The following FER variants were observed in gnomAD, a reference collection of about 807,000 sequenced individuals.
The protein encoded by FER is tyrosine-protein kinase Fer.
In FER, 63 loss-of-function variants were observed where a neutral mutation model predicts 111.0. The ratio of observed to expected loss-of-function variants is 0.57; its 90% CI spans 0.46 to 0.70. The LOEUF (loss-of-function observed/expected upper bound fraction) is 0.70, where lower values mean the gene tolerates loss of function less well. FER is among the 30% of genes least tolerant of loss of function. The pLI, the probability that FER is intolerant of heterozygous loss-of-function variation, is 0.00. For missense variants in FER, 914 were observed against 954.0 expected, an observed-to-expected ratio of 0.96 and a Z score of 0.55; for synonymous variants, 327 against 313.9, an observed-to-expected ratio of 1.04 and a Z score of -0.44.
intron 16 of FER, among the ~76,000 whole-genome samples, chr5:109,066,557 A>T (rs1340146837): frequency 3.3e-5 from 5 of 152,218 alleles, no homozygotes. Flanking sequence ...TTATTTCAAA[A>T]ATAGTTGAAA....
At chr5:108,983,874 A>G (rs1233294172) in intron 13 of FER, among the ~76,000 whole-genome samples, 2 of 152,100 alleles carry the variant, frequency 1.3e-5, no homozygotes, top group Non-Finnish European at 2.9e-5. Flanking sequence ...AAGCTAACAC[A>G]CCGGTATACT....
intron 3 of FER, among the ~76,000 whole-genome samples, chr5:108,807,905 T>G (rs1275155712): frequency 2.0e-5 from 3 of 152,174 alleles, no homozygotes. Context: ...GTTGTTTAAT[T>G]TCATGTAATT....
intron 1 of FER, among the ~76,000 whole-genome samples, chr5:108,757,544 C>G (rs1243850254): frequency 6.6e-6 from 1 of 151,984 alleles, no homozygotes; most frequent in African/African-American, 2.4e-5. Context: ...ATCCTCCATG[C>G]CTTAGAGGTA....
intron 1 of FER, among the ~76,000 whole-genome samples, chr5:108,756,029 C>T (rs1183139230): frequency 6.6e-6 from 1 of 150,630 alleles, no homozygotes; most frequent in Non-Finnish European, 1.5e-5. Flanking sequence ...TGGCACGCAC[C>T]TGTAATCCCA....
rs546297248 is a variant in FER, at chr5:109,196,407, T to C, written c.*8832T>C. On this transcript the variant is annotated 3_prime_UTR_variant, in exon 20 of 20. Transcript: ENST00000281092. ...TAGGCTAAAGCACCTTTAATCATTTTTGTTGTTTTAAGATAATGTATTTGT... is the reference window on the plus strand; with the variant it reads ...TAGGCTAAAGCACCTTTAATCATTTCTGTTGTTTTAAGATAATGTATTTGT... 6.6e-6 allele frequency: 1 copy of C among 152,338 alleles called. No homozygotes were observed. The highest frequency in any genetic ancestry group is 2.4e-5 in the African/African-American group (1 of 41,584). The allele number at this position is 152,338 out of a possible 1,614,324, so 9.4% of individuals were successfully genotyped here.
intron 16 of FER, among the ~76,000 whole-genome samples, chr5:109,083,563 T>C (rs1777228836): frequency 6.6e-6 from 1 of 152,060 alleles, no homozygotes; most frequent in African/African-American, 2.4e-5. Flanking sequence ...TCTAATCTAA[T>C]TTTTTTGAAG....
intron 16 of FER, among the ~76,000 whole-genome samples, chr5:109,068,345 G>A (rs948627399): frequency 1.3e-5 from 2 of 151,868 alleles, no homozygotes; most frequent in East Asian, 1.9e-4. Flanking sequence ...CTCCACACCC[G>A]GCTAATTTTT....
At chr5:109,111,248 T>A (rs979020385) in intron 17 of FER, among the ~76,000 whole-genome samples, 1 of 152,150 alleles carries the variant, frequency 6.6e-6, no homozygotes, top group Non-Finnish European at 1.5e-5. Flanking sequence ...TAATTATTAT[T>A]TACCTAAGTG....
chr5:108,814,517 G>A (rs1300179178), intron 3 of FER, among the ~76,000 whole-genome samples: 2 of 152,156 alleles, frequency 1.3e-5, no homozygotes, highest in Non-Finnish European at 2.9e-5. Context: ...AAGGGTTTGT[G>A]ATAAAGGATT....
intron 17 of FER, among the ~76,000 whole-genome samples, chr5:109,173,761 C>A (rs561405188): frequency 2.0e-5 from 3 of 146,876 alleles, no homozygotes; most frequent in Admixed American, 6.8e-5. Context: ...GTACCTCCCC[C>A]CCCCCCACAA....
chr5:108,940,945 G>A (rs1481203095), intron 10 of FER, among the ~76,000 whole-genome samples: 2 of 152,088 alleles, frequency 1.3e-5, no homozygotes, highest in East Asian at 3.9e-4. Flanking sequence ...TCACATTCTA[G>A]GGCAATGGCC....
rs142699480 is a variant in FER, at chr5:109,090,712, G to A, written c.1925-9684G>A. Among the ~76,000 whole-genome samples, 270 of 152,168 alleles carry A rather than the reference G, an allele frequency of 1.8e-3. 1 individual carries two copies. The highest frequency in any genetic ancestry group is 6.1e-3 in the African/African-American group (252 of 41,522). On this transcript the variant is annotated intron_variant, in intron 16 of 19. Coordinates refer to ENST00000281092, the MANE Select transcript of FER (RefSeq NM_005246.4). ...TAACTGAATAGTAAAATTTAGTAGT[G>A]GAATTCAGCAACAGCCTTGATTAAG...
At chr5:109,178,211 A>G (rs1013853303) in intron 17 of FER, among the ~76,000 whole-genome samples, 1 of 152,240 alleles carries the variant, frequency 6.6e-6, no homozygotes, top group African/African-American at 2.4e-5. Flanking sequence ...TATTTAATGC[A>G]TAGATTATCT....
intron 13 of FER, among the ~76,000 whole-genome samples, chr5:108,998,057 T>G (rs1482348287): frequency 6.6e-6 from 1 of 151,848 alleles, no homozygotes; most frequent in East Asian, 1.9e-4. Flanking sequence ...CAGTGGATCT[T>G]AGCTTGCCAG....
chr5:109,024,999 A>C (rs1049204180), intron 13 of FER, among the ~76,000 whole-genome samples: 9 of 151,958 alleles, frequency 5.9e-5, no homozygotes, highest in Non-Finnish European at 8.8e-5. Context: ...TGGTACCAGT[A>C]CCATGCTGTT....
At chr5:109,111,196 C>T (rs1749573143) in intron 17 of FER, among the ~76,000 whole-genome samples, 18 of 151,858 alleles carry the variant, frequency 1.2e-4, no homozygotes, top group Admixed American at 1.2e-3. Context: ...TTATATTTTC[C>T]ATCTGGGGTC....
chr5:109,079,901 A>G (rs1165695579), intron 16 of FER, among the ~76,000 whole-genome samples: 1 of 152,140 alleles, frequency 6.6e-6, no homozygotes, highest in East Asian at 1.9e-4. Flanking sequence ...ATGCTTTTCT[A>G]GCAGTTTCTG....
chr5:108,917,453 A>T (rs929194976), intron 10 of FER, among the ~76,000 whole-genome samples: 1 of 152,166 alleles, frequency 6.6e-6, no homozygotes, highest in East Asian at 1.9e-4. Context: ...TGAAAGTCTA[A>T]TTTAACTTTT....
chr5:109,166,265 G>T (rs1046539290), intron 17 of FER, among the ~76,000 whole-genome samples: 2 of 152,016 alleles, frequency 1.3e-5, no homozygotes, highest in Non-Finnish European at 2.9e-5. Flanking sequence ...AAGCTTGGAA[G>T]AGGGAAAATT....
Sources: gnomAD v4.1 joint callset for allele counts (sites outside exome capture counted in the v4.1 genomes callset) on GRCh38, gnomAD v4.1.1 for gene constraint, MANE v1.5 for transcripts, NCBI Gene and HGNC (gene_info 2026-07-23, HGNC 2026-07-21) for gene names.